SGCZ: variants seen among roughly 807,000 people sequenced by gnomAD.
The protein encoded by SGCZ is sarcoglycan zeta, also known as zeta-sarcoglycan.
A neutral mutation model predicts 41.3 loss-of-function variants in SGCZ; 40 were observed. That is an observed-to-expected ratio of 0.97 (90% CI 0.75 to 1.26). The LOEUF is 1.26. SGCZ is among the 50% of genes most tolerant of loss of function. The pLI is 0.00. For missense variants in SGCZ, 552 were observed against 369.8 expected, an observed-to-expected ratio of 1.49 and a Z score of -4.04; for synonymous variants, 206 against 137.5, an observed-to-expected ratio of 1.50 and a Z score of -3.49.
At chr8:14,153,913 T>A (rs962016384) in intron 5 of SGCZ, among the ~76,000 whole-genome samples, 3 of 114,346 alleles carry the variant, frequency 2.6e-5, no homozygotes, top group Non-Finnish European at 5.1e-5. Context: ...TCTCTCTCTC[T>A]CTCTCTCTCT....
rs1437708940 is a variant in SGCZ at position 15,147,657 on chromosome 8, T to C, written c.39+89928A>G. 2.0e-5 allele frequency among the ~76,000 whole-genome samples: 3 copies of C among 152,036 alleles called. No homozygotes were observed. The East Asian group carries it at 5.8e-4, about 29-fold the overall frequency. On this transcript the variant is annotated intron_variant, in intron 1 of 7. Transcript: ENST00000382080. The stretch of plus-strand genomic sequence containing the variant: ...GACACGATCCCTTATGTAGAATGCA[T>C]GAGGAAAAACTTGCAGTAGGGGCTG...
chr8:14,755,318 C>A (rs1321865584), intron 1 of SGCZ, among the ~76,000 whole-genome samples: 5 of 151,984 alleles, frequency 3.3e-5, no homozygotes, highest in Non-Finnish European at 5.9e-5. Context: ...CATTAAAATG[C>A]ACTTTCTATT....
chr8:14,128,550 G>A (rs1046469718), intron 5 of SGCZ, among the ~76,000 whole-genome samples: 6 of 152,086 alleles, frequency 3.9e-5, no homozygotes, highest in South Asian at 2.1e-4. Flanking sequence ...CCAGTATTTG[G>A]TATCTACCTA....
intron 1 of SGCZ, among the ~76,000 whole-genome samples, chr8:15,149,042 T>C (rs1027798722): frequency 6.6e-6 from 1 of 152,184 alleles, no homozygotes; most frequent in Non-Finnish European, 1.5e-5. Flanking sequence ...ATTTTCCTGC[T>C]GCAGAAAGCA....
At chr8:15,207,142 G>A (rs1042476250) in intron 1 of SGCZ, among the ~76,000 whole-genome samples, 7 of 152,166 alleles carry the variant, frequency 4.6e-5, no homozygotes, top group Non-Finnish European at 1.0e-4. Context: ...ATACAGGGAC[G>A]TTAACAGAGT....
intron 1 of SGCZ, among the ~76,000 whole-genome samples, chr8:14,842,539 G>T (rs923946658): frequency 6.6e-6 from 1 of 151,586 alleles, no homozygotes; most frequent in Non-Finnish European, 1.5e-5. Context: ...AGCAAAAATA[G>T]GGAGGGAGAG....
At chr8:15,083,855 G>T (rs1262720464) in intron 1 of SGCZ, among the ~76,000 whole-genome samples, 2 of 152,088 alleles carry the variant, frequency 1.3e-5, no homozygotes, top group Non-Finnish European at 2.9e-5. Flanking sequence ...CATTGCTGGG[G>T]TTACAGGTAT....
chr8:14,152,221 C>T (rs1379024173), intron 5 of SGCZ, among the ~76,000 whole-genome samples: 1 of 151,244 alleles, frequency 6.6e-6, no homozygotes. Flanking sequence ...TGGAAAGAAC[C>T]TCAAAACCAT....
At chr8:14,174,065 T>G (rs1804469819) in intron 4 of SGCZ, among the ~76,000 whole-genome samples, 1 of 151,942 alleles carries the variant, frequency 6.6e-6, no homozygotes, top group Non-Finnish European at 1.5e-5. Flanking sequence ...TCAAACAACA[T>G]GAAAAGTAAA....
intron 1 of SGCZ, among the ~76,000 whole-genome samples, chr8:14,964,866 A>T (rs1801081725): frequency 6.6e-6 from 1 of 152,156 alleles, no homozygotes; most frequent in Non-Finnish European, 1.5e-5. Flanking sequence ...GAAGCTATGC[A>T]GGTTATGTGG....
intron 2 of SGCZ, among the ~76,000 whole-genome samples, chr8:14,423,940 AG>A (rs1799706047): frequency 6.6e-6 from 1 of 152,124 alleles, no homozygotes. Context: ...GAATCATTAA[AG>A]TATAATAAAT....
At chr8:14,165,677 C>G (rs1360465841) in intron 4 of SGCZ, among the ~76,000 whole-genome samples, 1 of 152,100 alleles carries the variant, frequency 6.6e-6, no homozygotes, top group Admixed American at 6.6e-5. Context: ...TAGAACCCAG[C>G]TGAGTCAGGG....
intron 1 of SGCZ, among the ~76,000 whole-genome samples, chr8:14,950,756 A>G (rs773720822): frequency 3.9e-5 from 6 of 152,212 alleles, no homozygotes; most frequent in Non-Finnish European, 5.9e-5. Context: ...AGTTGAATGC[A>G]TGAGGATACG....
chr8:15,061,808 C>A (rs1804947877), intron 1 of SGCZ, among the ~76,000 whole-genome samples: 1 of 152,116 alleles, frequency 6.6e-6, no homozygotes, highest in Non-Finnish European at 1.5e-5. Flanking sequence ...TACCCAGTCT[C>A]AACTATTTTG....
chr8:14,664,071 T>A (rs1382159313), intron 1 of SGCZ, among the ~76,000 whole-genome samples: 1 of 152,196 alleles, frequency 6.6e-6, no homozygotes, highest in East Asian at 1.9e-4. Flanking sequence ...AAGTGCTGTA[T>A]TTTCATGCTT....
chr8:14,494,894 G>C (rs1019076492), intron 2 of SGCZ, among the ~76,000 whole-genome samples: 1 of 152,138 alleles, frequency 6.6e-6, no homozygotes, highest in African/African-American at 2.4e-5. Flanking sequence ...GCTTATGTTA[G>C]GCATGAGAAG....
At chr8:14,717,956 C>T (rs1237841150) in intron 1 of SGCZ, among the ~76,000 whole-genome samples, 1 of 146,568 alleles carries the variant, frequency 6.8e-6, no homozygotes, top group African/African-American at 2.6e-5. Flanking sequence ...CTTTTATCAA[C>T]TTGCTAGTAG....
Position 15,009,601 on chromosome 8 carries a change from A to C in SGCZ, c.39+227984T>G, listed in dbSNP as rs571812314. On this transcript the variant is annotated intron_variant, in intron 1 of 7. Transcript: ENST00000382080. ...AAGTGAGTGAAAATCATGGAAAAAAACTCCAGTTAACAATCATTTTTAGCA... is the reference window on the plus strand; with the variant it reads ...AAGTGAGTGAAAATCATGGAAAAAACCTCCAGTTAACAATCATTTTTAGCA... Among the ~76,000 whole-genome samples the C allele has an allele frequency of 7.2e-5, 11 of 152,264 alleles. No homozygotes were observed. The East Asian group carries it at 2.1e-3, about 29-fold the overall frequency.
chr8:15,044,111 A>C (rs753893716), intron 1 of SGCZ, among the ~76,000 whole-genome samples: 1 of 152,166 alleles, frequency 6.6e-6, no homozygotes, highest in African/African-American at 2.4e-5. Flanking sequence ...TTTACAAATA[A>C]AGCTTTGATT....
Sources: gnomAD v4.1 joint callset for allele counts (sites outside exome capture counted in the v4.1 genomes callset) on GRCh38, gnomAD v4.1.1 for gene constraint, MANE v1.5 for transcripts, NCBI Gene and HGNC (gene_info 2026-07-23, HGNC 2026-07-21) for gene names.